RYR1: variants seen among roughly 807,000 people sequenced by gnomAD.
RYR1 encodes central core disease of muscle.
RYR1 carries 342 observed loss-of-function variants against 583.5 expected under a neutral mutation model. That is an observed-to-expected ratio of 0.59 (90% CI 0.54 to 0.64). The LOEUF is 0.64. RYR1 is among the 30% of genes least tolerant of loss of function. The probability of loss-of-function intolerance (pLI) is 0.00; values close to 1 mark genes in which losing one functional copy is unlikely to be tolerated. For missense variants in RYR1, 6,032 were observed against 6,917.2 expected (o/e 0.87, Z 4.54); for synonymous variants, 2,791 against 2,822.5 (o/e 0.99, Z 0.35).
chr19:38,458,507 A>G (rs929587038), intron 18 of RYR1, among the ~76,000 whole-genome samples: 3 of 152,154 alleles, frequency 2.0e-5, no homozygotes, highest in Non-Finnish European at 4.4e-5. Context: ...CTGATCCCAG[A>G]GTAGGTGTGA....
At chr19:38,527,891 G>C in intron 73 of RYR1, 107 bp downstream of exon 73, 1 of 1,362,182 alleles carries the variant, frequency 7.3e-7, no homozygotes, top group Non-Finnish European at 1.0e-6. Context: ...TTAAGTTTTG[G>C]GGCAGGGCAG....
chr19:38,533,759 T>C (rs1050204837), intron 78 of RYR1, among the ~76,000 whole-genome samples: 1 of 143,078 alleles, frequency 7.0e-6, no homozygotes, highest in Non-Finnish European at 1.5e-5. Flanking sequence ...GCCATTGCAC[T>C]CCAGCCTGGG....
At chr19:38,455,966 TG>T (rs368168593) in intron 16 of RYR1, among the ~76,000 whole-genome samples, 2,139 of 137,396 alleles carry the variant, frequency 0.016, 26 homozygotes, top group South Asian at 0.026. Flanking sequence ...ATCTCTGAAA[TG>T]TTTTTTTTTT....
intron 39 of RYR1, among the ~76,000 whole-genome samples, chr19:38,494,877 GAGTCTCACTCTGTCACCC>G (rs1969742343): frequency 8.4e-6 from 1 of 119,702 alleles, no homozygotes; most frequent in Non-Finnish European, 1.6e-5. Flanking sequence ...TTGTGAGACT[GAGTCTCACTCTGTCACCC>G]AGGCTGGAGT....
In RYR1 at chr19:38,490,129, G is replaced by T; in HGVS notation, c.5868G>T (p.Glu1956Asp). 6.2e-7 allele frequency: 1 copy of T among 1,614,232 alleles called. No individual in the cohort carries two copies. Among genetic ancestry groups the T allele is most frequent in the Non-Finnish European group, 8.5e-7 (1 of 1,180,042 alleles). ...FCDQELQHRV[E>D]SLAAFAERYV... is the part of the protein sequence containing the mutation. Reference sequence around the variant, plus strand: ...ACCAAGAGCTGCAGCACCGTGTGGAGTCCCTGGCAGCCTTTGCGGAGCGCT... The same window carrying T: ...ACCAAGAGCTGCAGCACCGTGTGGATTCCCTGGCAGCCTTTGCGGAGCGCT... Residue 1956 changes from glutamate (E) to aspartate (D), a missense_variant, in exon 36 of 106, where the codon GAG becomes GAT. This residue lies in a region of RYR1 where 2,627 missense variants were observed against 2,961.3 expected (regional missense o/e 0.89). Coordinates refer to ENST00000359596, the MANE Select transcript of RYR1 (RefSeq NM_000540.3).
chr19:38,455,483 G>A lies in RYR1; in HGVS notation c.1609G>A (p.Ala537Thr), dbSNP rs774229699. Residue 537 changes from alanine to threonine, a missense_variant, in exon 15 of 106, where the codon GCC becomes ACC. Coordinates refer to ENST00000359596, the MANE Select transcript of RYR1 (RefSeq NM_000540.3). ...AATCCGTGGCAATCGTAGCAACTGTGCCCTCTTCTCCACAAACTTGGACTG... is the reference window on the plus strand; with the variant it reads ...AATCCGTGGCAATCGTAGCAACTGTACCCTCTTCTCCACAAACTTGGACTG... ...SLIRGNRSNC[A>T]LFSTNLDWLV... 3.7e-6 allele frequency: 6 copies of A among 1,614,140 alleles called. No homozygotes were observed. The highest frequency in any genetic ancestry group is 5.1e-6 in the Non-Finnish European group (6 of 1,180,044).
At position 38,483,516 on chromosome 19, in the gene RYR1, G is replaced by A. The variant is rs193922778; in HGVS notation, c.4934G>A (p.Arg1645Gln). 1.3e-6 allele frequency: 2 copies of A among 1,544,926 alleles called. No individual in the cohort carries two copies. Among genetic ancestry groups the A allele is most frequent in the Non-Finnish European group, 1.7e-6 (2 of 1,149,422 alleles). ...GCGCTGCACATCCCCGAGGAGAACC[G>A]GTCAGGGCCAGCCCAGCTATGCAGG... ...MMALHIPEEN[R>Q]CMDILELSER... Residue 1645 changes from arginine (R) to glutamine (Q), a missense_variant and splice_region_variant, in exon 33 of 106, where the codon CGG (arginine) becomes CAG (glutamine). This residue lies in a region of RYR1 where 2,627 missense variants were observed against 2,961.3 expected (regional missense o/e 0.89). Transcript: ENST00000359596. This position sits in a 1 kb window ranked among gnomAD's most constrained non-coding sequence, Gnocchi z 6.3.
chr19:38,444,053 A>G lies in RYR1; in HGVS notation c.425-96A>G. ...GGCAGTGATAGGAGAGTTGTGGGCC[A>G]AGGGCCCGGGAGGCCTGGTGGAGGG... On this transcript the variant is annotated intron_variant, in intron 5 of 105. Transcript: ENST00000359596. The surrounding 1 kb of genome is among the most constrained non-coding windows in gnomAD (Gnocchi z 5.1). The G allele has an allele frequency of 9.1e-7, 1 of 1,093,794 alleles. No homozygotes were observed. The highest frequency in any genetic ancestry group is 1.3e-5 in the South Asian group (1 of 79,588). 67.8% of individuals were successfully genotyped at this position (1,093,794 alleles called of 1,614,324 possible).
intron 61 of RYR1, 131 bp from the exon 62 acceptor site, chr19:38,511,941 G>GGGGTGC (rs1970744123): frequency 4.7e-6 from 5 of 1,074,218 alleles, no homozygotes; most frequent in Non-Finnish European, 5.6e-6. Context: ...TGGGGGGGTG[G>GGGGTGC]GGGTGCAGTA....
At chr19:38,490,494 T>C in intron 36 of RYR1, 127 bp from the exon 37 acceptor site, 1 of 806,728 alleles carries the variant, frequency 1.2e-6, no homozygotes, top group Non-Finnish European at 2.1e-6. Flanking sequence ...TCCCAAATAG[T>C]CTTCATTAAC....
chr19:38,505,134 C>T, intron 52 of RYR1, 53 bp downstream of exon 52: 1 of 1,539,266 alleles, frequency 6.5e-7, no homozygotes, highest in Non-Finnish European at 9.0e-7. Context: ...CAGCTTTCCC[C>T]CCGACCTGGT....
rs749779414 is a variant in RYR1 at position 38,525,509 on chromosome 19, G to A, written c.10626+7G>A. ...CAAGACCCGTTACGCCCTGGTGCCT[G>A]CCCAGCCCCGTCCTCGGAACCTTCC... On this transcript the variant is annotated splice_region_variant and intron_variant, in intron 71 of 105. Transcript: ENST00000359596. 6.2e-7 allele frequency: 1 copy of A among 1,613,236 alleles called. No individual in the cohort carries two copies. Among genetic ancestry groups the A allele is most frequent in the South Asian group, 1.1e-5 (1 of 91,010 alleles).
At position 38,490,584 on chromosome 19, in the gene RYR1, T is replaced by A. The variant is rs773134150; in HGVS notation, c.6016-37T>A. ...TGATCTCAGAGTTCCTGCTTTGGGATCTCAGACCCTCATTCTAATCTTTGA... is the reference window on the plus strand; with the variant it reads ...TGATCTCAGAGTTCCTGCTTTGGGAACTCAGACCCTCATTCTAATCTTTGA... On this transcript the variant is annotated intron_variant, in intron 36 of 105. Coordinates refer to ENST00000359596, the MANE Select transcript of RYR1 (RefSeq NM_000540.3). The A allele has an allele frequency of 6.8e-6, 9 of 1,332,850 alleles. No homozygotes were observed. The African/African-American group carries it at 1.1e-4, about 17-fold the overall frequency. 82.6% of individuals were successfully genotyped at this position (1,332,850 alleles called of 1,614,324 possible).
intron 71 of RYR1, among the ~76,000 whole-genome samples, chr19:38,526,578 C>T (rs1971474890): frequency 6.6e-6 from 1 of 151,314 alleles, no homozygotes; most frequent in African/African-American, 2.4e-5. Flanking sequence ...GCTGATGCCC[C>T]CTTTGGCCCC....
intron 34 of RYR1, among the ~76,000 whole-genome samples, chr19:38,487,963 A>T (rs946361144): frequency 3.9e-5 from 6 of 152,022 alleles, no homozygotes; most frequent in East Asian, 1.9e-4. Flanking sequence ...TTTTTAATTT[A>T]ATTTTATTTT....
In RYR1 at chr19:38,500,638, G is replaced by A; in HGVS notation, c.7356G>A (p.Arg2452=). ...AAGCCGGCAAGGGTGAGGCCCTGCGGATCCGCGCCATCCTCCGCTCCCTTG... is the reference window on the plus strand; with the variant it reads ...AAGCCGGCAAGGGTGAGGCCCTGCGAATCCGCGCCATCCTCCGCTCCCTTG... ...LIQAGKGEAL[R]IRAILRSLVP... Residue 2452 remains arginine, a synonymous_variant, in exon 46 of 106, where the codon CGG becomes CGA. Coordinates refer to ENST00000359596, the MANE Select transcript of RYR1 (RefSeq NM_000540.3). The surrounding 1 kb of genome is among the most constrained non-coding windows in gnomAD (Gnocchi z 5.9). 6.2e-7 allele frequency: 1 copy of A among 1,613,678 alleles called. No homozygotes were observed. The highest frequency in any genetic ancestry group is 8.5e-7 in the Non-Finnish European group (1 of 1,180,024).
intron 1 of RYR1, among the ~76,000 whole-genome samples, chr19:38,438,774 A>C (rs1186199058): frequency 6.6e-6 from 1 of 151,276 alleles, no homozygotes; most frequent in East Asian, 1.9e-4. Flanking sequence ...GCCCGCCACC[A>C]CACCCGGCTA....
At chr19:38,441,168 G>A (rs1468268680) in intron 2 of RYR1, among the ~76,000 whole-genome samples, 1 of 142,390 alleles carries the variant, frequency 7.0e-6, no homozygotes, top group Admixed American at 7.3e-5. Flanking sequence ...AAAGCCTCGG[G>A]TTTAAGGGGA....
intron 78 of RYR1, 38 bp from the exon 79 acceptor site, chr19:38,534,682 G>A: frequency 3.2e-6 from 5 of 1,576,784 alleles, no homozygotes; most frequent in Non-Finnish European, 4.3e-6. Flanking sequence ...GGGCTGGAAA[G>A]CCTGGACTTG....
Sources: gnomAD v4.1 joint callset for allele counts (sites outside exome capture counted in the v4.1 genomes callset) on GRCh38, gnomAD v4.1.1 for gene constraint, gnomAD v4.1.1 regional missense constraint, Gnocchi (gnomAD v3.1) non-coding constraint, MANE v1.5 for transcripts, NCBI Gene and HGNC (gene_info 2026-07-23, HGNC 2026-07-21) for gene names.